Variants in STX7 observed in about 807,000 individuals in gnomAD.
STX7 encodes the protein syntaxin 7.
A neutral mutation model predicts 39.6 loss-of-function variants in STX7; 34 were observed. That is an observed-to-expected ratio of 0.86 (90% CI 0.65 to 1.14). STX7 has a LOEUF of 1.14. Ranked by LOEUF, STX7 falls within the 50% of genes most tolerant of loss-of-function variation. The pLI, the probability that STX7 is intolerant of heterozygous loss-of-function variation, is 0.00. For synonymous variants in STX7, 119 were observed against 99.1 expected, an observed-to-expected ratio of 1.20 and a Z score of -1.19; for missense variants, 284 against 310.4, an observed-to-expected ratio of 0.92 and a Z score of 0.64.
chr6:132,446,511 A>G lies in STX7; in HGVS notation c.*14247T>C, dbSNP rs1377913753. ...ATCTTTGTTTCTAATTAAGTGTGGA[A>G]GCTATCAACTATCGCATTGTCCCCA... On this transcript the variant is annotated 3_prime_UTR_variant, in exon 10 of 10. Coordinates refer to ENST00000367941, the MANE Select transcript of STX7 (RefSeq NM_003569.3). 1 of 152,166 alleles carries G rather than the reference A, an allele frequency of 6.6e-6. No homozygotes were observed. The highest frequency in any genetic ancestry group is 1.9e-4 in the East Asian group (1 of 5,198). 9.4% of individuals were successfully genotyped at this position (152,166 alleles called of 1,614,324 possible). A position where few individuals can be genotyped will look rare whatever the true frequency, so the allele number is the denominator to read the frequency against.
At chr6:132,498,131 C>T (rs896422046) in intron 2 of STX7, among the ~76,000 whole-genome samples, 1 of 152,168 alleles carries the variant, frequency 6.6e-6, no homozygotes, top group African/African-American at 2.4e-5. Context: ...TCAACGCTTT[C>T]TCTCATAGGA....
chr6:132,469,930 A>G (rs752992486), intron 7 of STX7, 21 bp downstream of exon 7: 1 of 1,566,352 alleles, frequency 6.4e-7, no homozygotes, highest in Non-Finnish European at 8.7e-7. Context: ...CAGCAGCCCA[A>G]GTCTACAATG....
intron 2 of STX7, among the ~76,000 whole-genome samples, chr6:132,496,450 A>G (rs1036391578): frequency 1.3e-5 from 2 of 152,152 alleles, no homozygotes; most frequent in African/African-American, 4.8e-5. Context: ...TCTGTGCCCC[A>G]GCTTTCCCAT....
chr6:132,478,850 T>C (rs1245297938), intron 2 of STX7, among the ~76,000 whole-genome samples: 1 of 152,202 alleles, frequency 6.6e-6, no homozygotes, highest in Admixed American at 6.5e-5. Flanking sequence ...GGATGGGACA[T>C]CAGCGAGCCT....
At chr6:132,462,674 A>G (rs1211029148) in intron 9 of STX7, among the ~76,000 whole-genome samples, 1 of 151,838 alleles carries the variant, frequency 6.6e-6, no homozygotes, top group East Asian at 1.9e-4. Flanking sequence ...TGATATAGTG[A>G]TATTAATTTC....
intron 8 of STX7, among the ~76,000 whole-genome samples, chr6:132,464,404 C>T (rs901988610): frequency 1.2e-4 from 18 of 152,180 alleles, no homozygotes; most frequent in African/African-American, 4.3e-4. Context: ...CAAGAGATGT[C>T]TCAGTGTCAA....
chr6:132,500,661 T>A (rs1040976638), intron 2 of STX7, among the ~76,000 whole-genome samples: 2 of 152,242 alleles, frequency 1.3e-5, no homozygotes, highest in African/African-American at 4.8e-5. Flanking sequence ...TACTGCTACA[T>A]TCCTACAGTT....
At chr6:132,495,992 C>G (rs887451615) in intron 2 of STX7, among the ~76,000 whole-genome samples, 1 of 152,068 alleles carries the variant, frequency 6.6e-6, no homozygotes, top group Non-Finnish European at 1.5e-5. Context: ...AAAAATGAAA[C>G]AAGTGAAGAT....
At chr6:132,498,772 C>T (rs968195705) in intron 2 of STX7, among the ~76,000 whole-genome samples, 2 of 152,164 alleles carry the variant, frequency 1.3e-5, no homozygotes, top group Non-Finnish European at 2.9e-5. Context: ...TTCACTTCCA[C>T]GTGATTTCTG....
At chr6:132,492,050 C>G (rs1775303059) in intron 2 of STX7, among the ~76,000 whole-genome samples, 1 of 152,216 alleles carries the variant, frequency 6.6e-6, no homozygotes, top group African/African-American at 2.4e-5. Flanking sequence ...CCTCATAACC[C>G]TTGCTCCACC....
chr6:132,480,104 G>C (rs1210643400), intron 2 of STX7, among the ~76,000 whole-genome samples: 1 of 151,936 alleles, frequency 6.6e-6, no homozygotes, highest in Non-Finnish European at 1.5e-5. Flanking sequence ...GCTTCTACCA[G>C]ACTCCTAATC....
In STX7 at chr6:132,460,717, A is replaced by T. The variant is rs1774370872; in HGVS notation, c.*41T>A. 1 of 1,381,162 alleles carries T rather than the reference A, an allele frequency of 7.2e-7. No homozygotes were observed. Among genetic ancestry groups the T allele is most frequent in the Non-Finnish European group, 1.0e-6 (1 of 984,870 alleles). 85.6% of individuals were successfully genotyped at this position (1,381,162 alleles called of 1,614,324 possible). A position where few individuals can be genotyped will look rare whatever the true frequency, so the allele number is the denominator to read the frequency against. On this transcript the variant is annotated 3_prime_UTR_variant, in exon 10 of 10. Coordinates refer to ENST00000367941, the MANE Select transcript of STX7 (RefSeq NM_003569.3). ...CATGATTACAGGAATCTTCCTACAT[A>T]ATTTAGACAATGTAGTGCGACAGTG... is the stretch of plus-strand genomic sequence containing the variant.
At chr6:132,505,751 A>AC (rs968159665) in intron 1 of STX7, among the ~76,000 whole-genome samples, 81 of 148,728 alleles carry the variant, frequency 5.4e-4, no homozygotes, top group Middle Eastern at 3.5e-3. Flanking sequence ...AAAAAAAAAA[A>AC]AAAAAAAAAA....
rs770649724 is a variant in STX7, at chr6:132,476,142, T to A, written c.86-480A>T. On this transcript the variant is annotated intron_variant, in intron 2 of 9. Coordinates refer to ENST00000367941, the MANE Select transcript of STX7 (RefSeq NM_003569.3). ...GCAAGGTCATCAAAAAATGCTAAAATCACAGGACATTCATACAACTTAAAT... is the reference window on the plus strand; with the variant it reads ...GCAAGGTCATCAAAAAATGCTAAAAACACAGGACATTCATACAACTTAAAT... 1.3e-4 allele frequency among the ~76,000 whole-genome samples: 20 copies of A among 152,138 alleles called. 1 individual carries two copies. Among genetic ancestry groups the A allele is most frequent in the Admixed American group, 7.9e-4 (12 of 15,282 alleles).
At chr6:132,497,710 C>T (rs1177598451) in intron 2 of STX7, among the ~76,000 whole-genome samples, 1 of 152,084 alleles carries the variant, frequency 6.6e-6, no homozygotes, top group African/African-American at 2.4e-5. Flanking sequence ...TGTGAAAATG[C>T]CTACTCTGGT....
intron 3 of STX7, among the ~76,000 whole-genome samples, chr6:132,474,382 T>C (rs144265881): frequency 6.6e-6 from 1 of 152,156 alleles, no homozygotes; most frequent in Non-Finnish European, 1.5e-5. Context: ...TTATTTAGAT[T>C]TGGAGCATTT....
chr6:132,504,362 A>T (rs915681556), intron 1 of STX7, among the ~76,000 whole-genome samples: 1 of 152,214 alleles, frequency 6.6e-6, no homozygotes, highest in African/African-American at 2.4e-5. Flanking sequence ...AGCATCTCAG[A>T]ATAGAAGAGA....
At chr6:132,474,449 G>GT (rs1386478835) in intron 3 of STX7, among the ~76,000 whole-genome samples, 3 of 152,006 alleles carry the variant, frequency 2.0e-5, no homozygotes, top group Non-Finnish European at 4.4e-5. Context: ...AGAGATAATT[G>GT]TAAGTCCTTC....
chr6:132,475,325 T>C (rs1774845975), intron 3 of STX7: 1 of 215,056 alleles, frequency 4.6e-6, no homozygotes, highest in East Asian at 9.6e-5. Flanking sequence ...GGTTTCACCA[T>C]ATTGGCCAGG....
Sources: allele counts gnomAD v4.1 joint callset (sites outside exome capture counted in the v4.1 genomes callset), GRCh38; gene constraint gnomAD v4.1.1; transcripts MANE v1.5; gene names NCBI Gene and HGNC (gene_info 2026-07-23, HGNC 2026-07-21).